The following ANO10 variants were observed in gnomAD, a reference collection of about 807,000 sequenced individuals.
ANO10 encodes anoctamin-10.
ANO10 carries 77 observed loss-of-function variants against 74.7 expected under a neutral mutation model. That is an observed-to-expected ratio of 1.03 (90% CI 0.86 to 1.25). ANO10 has a LOEUF of 1.25. Among genes scored for constraint, ANO10 ranks in the 50% most tolerant of loss-of-function variants. ANO10 has a pLI of 0.00. For missense variants in ANO10, 721 were observed against 778.1 expected, an observed-to-expected ratio of 0.93 and a Z score of 0.87; for synonymous variants, 279 against 284.9, an observed-to-expected ratio of 0.98 and a Z score of 0.21.
At chr3:43,659,283 G>A (rs2083892813) in intron 1 of ANO10, among the ~76,000 whole-genome samples, 1 of 152,122 alleles carries the variant, frequency 6.6e-6, no homozygotes, top group South Asian at 2.1e-4. Flanking sequence ...CAAGGGGTCG[G>A]GGCATTTCCC....
chr3:43,571,877 AAG>A (rs1268026079), intron 7 of ANO10, among the ~76,000 whole-genome samples: 3 of 151,378 alleles, frequency 2.0e-5, no homozygotes, highest in African/African-American at 4.8e-5. Context: ...AAAAAAAAAA[AAG>A]AAAAATGTAA....
At chr3:43,644,325 C>T (rs1400935337) in intron 1 of ANO10, among the ~76,000 whole-genome samples, 3 of 152,102 alleles carry the variant, frequency 2.0e-5, no homozygotes, top group African/African-American at 7.2e-5. Flanking sequence ...CAGGAAATAA[C>T]TTGATTTAGT....
chr3:43,393,092 C>G (rs1412434524), intron 12 of ANO10, among the ~76,000 whole-genome samples: 1 of 152,240 alleles, frequency 6.6e-6, no homozygotes, highest in Non-Finnish European at 1.5e-5. Flanking sequence ...CCCATGGCCT[C>G]AGCCACATCT....
intron 4 of ANO10, among the ~76,000 whole-genome samples, chr3:43,582,203 G>A (rs2081292399): frequency 1.3e-5 from 2 of 152,150 alleles, no homozygotes; most frequent in Admixed American, 1.3e-4. Context: ...TGTAATCCCA[G>A]CACTTTGGGA....
intron 12 of ANO10, among the ~76,000 whole-genome samples, chr3:43,411,895 G>A (rs573019526): frequency 3.1e-4 from 47 of 152,000 alleles, no homozygotes; most frequent in South Asian, 2.9e-3. Flanking sequence ...AACTCACAAA[G>A]ACTTAGTTTT....
At position 43,503,108 on chromosome 3, in the gene ANO10, T is replaced by C. The variant is rs113814943; in HGVS notation, c.1797+46612A>G. ...TTGTATTATGTATATTTTACCACAA[T>C]AAAAAAACTGGGAAAAAAGAAAAAA... On this transcript the variant is annotated intron_variant, in intron 11 of 12. Coordinates refer to ENST00000292246, the MANE Select transcript of ANO10 (RefSeq NM_018075.5). Among the ~76,000 whole-genome samples the C allele has an allele frequency of 4.6e-5, 7 of 151,838 alleles. No homozygotes were observed. The South Asian group carries it at 1.5e-3, about 32-fold the overall frequency.
chr3:43,613,608 T>C (rs2082940389), intron 1 of ANO10, among the ~76,000 whole-genome samples: 1 of 152,296 alleles, frequency 6.6e-6, no homozygotes, highest in South Asian at 2.1e-4. Flanking sequence ...AGTAAATCTA[T>C]TGGGCGAGAA....
chr3:43,407,634 A>G (rs2092599818), intron 12 of ANO10, among the ~76,000 whole-genome samples: 1 of 152,218 alleles, frequency 6.6e-6, no homozygotes. Flanking sequence ...TAACTAAGAG[A>G]ACACAGAGAA....
chr3:43,411,193 T>C (rs1371072723), intron 12 of ANO10, among the ~76,000 whole-genome samples: 2 of 152,164 alleles, frequency 1.3e-5, no homozygotes, highest in Non-Finnish European at 1.5e-5. Flanking sequence ...AAATGGGACA[T>C]GCACAAATAC....
chr3:43,403,553 A>G (rs956783761), intron 12 of ANO10, among the ~76,000 whole-genome samples: 2 of 152,204 alleles, frequency 1.3e-5, no homozygotes, highest in African/African-American at 4.8e-5. Context: ...CCTATCACCA[A>G]ATAGGGCTGG....
intron 11 of ANO10, among the ~76,000 whole-genome samples, chr3:43,527,671 C>T (rs1197346701): frequency 1.3e-5 from 2 of 152,094 alleles, no homozygotes; most frequent in Admixed American, 6.6e-5. Flanking sequence ...AATAAACATC[C>T]AAATCCAGCA....
At chr3:43,624,755 C>G (rs749401435), upstream of ANO10, among the ~76,000 whole-genome samples, 1 of 152,128 alleles carries the variant, frequency 6.6e-6, no homozygotes, top group Non-Finnish European at 1.5e-5. Flanking sequence ...ATGGACACAC[C>G]AGACAAAGAG....
chr3:43,564,973 C>T (rs1255373427), intron 8 of ANO10, among the ~76,000 whole-genome samples: 2 of 152,192 alleles, frequency 1.3e-5, no homozygotes, highest in Non-Finnish European at 2.9e-5. Context: ...GTACATCCAA[C>T]TCATCAATTC....
intron 1 of ANO10, among the ~76,000 whole-genome samples, chr3:43,619,740 G>A (rs748223842): frequency 3.8e-4 from 57 of 151,416 alleles, no homozygotes; most frequent in Non-Finnish European, 5.8e-4. Context: ...TGAAGCTCTC[G>A]CCTGTAGTCC....
At chr3:43,501,917 A>G (rs2077113982) in intron 11 of ANO10, among the ~76,000 whole-genome samples, 1 of 152,228 alleles carries the variant, frequency 6.6e-6, no homozygotes, top group African/African-American at 2.4e-5. Flanking sequence ...GAACACCAGT[A>G]TCAACGATGG....
intron 12 of ANO10, among the ~76,000 whole-genome samples, chr3:43,402,548 C>T: frequency 6.6e-6 from 1 of 152,166 alleles, no homozygotes; most frequent in East Asian, 1.9e-4. Flanking sequence ...TGGGTTACTT[C>T]CCCAGCAGCC....
At chr3:43,555,600 T>C in intron 9 of ANO10, 131 bp from the exon 10 acceptor site, 1 of 805,820 alleles carries the variant, frequency 1.2e-6, no homozygotes, top group East Asian at 2.7e-5. Flanking sequence ...TACACCAGTG[T>C]TTCTCCAACT....
chr3:43,442,721 C>T (rs1384434), intron 11 of ANO10, among the ~76,000 whole-genome samples: 28,299 of 152,040 alleles, frequency 0.19, 3,164 homozygotes, highest in Middle Eastern at 0.36. Context: ...AATATTTTAG[C>T]CACACAGTCT....
At chr3:43,408,298 CT>C (rs1330567305) in intron 12 of ANO10, among the ~76,000 whole-genome samples, 28 of 152,230 alleles carry the variant, frequency 1.8e-4, no homozygotes, top group African/African-American at 6.0e-4. Flanking sequence ...AATTTCAAAT[CT>C]TTTAAAAGCA....
Sources: gnomAD v4.1 joint callset for allele counts (sites outside exome capture counted in the v4.1 genomes callset) on GRCh38, gnomAD v4.1.1 for gene constraint, MANE v1.5 for transcripts, NCBI Gene and HGNC (gene_info 2026-07-23, HGNC 2026-07-21) for gene names.